CACNA1D: variants seen among roughly 807,000 people sequenced by gnomAD.
CACNA1D encodes the protein calcium voltage-gated channel subunit alpha1 D.
A neutral mutation model predicts 257.1 loss-of-function variants in CACNA1D; 55 were observed. The ratio of observed to expected loss-of-function variants is 0.21; its 90% CI spans 0.17 to 0.27. CACNA1D has a LOEUF of 0.27. Among genes scored for constraint, CACNA1D ranks in the 10% least tolerant of loss-of-function variants. CACNA1D has a pLI of 1.00. For synonymous variants in CACNA1D, 980 were observed against 1,014.9 expected, an observed-to-expected ratio of 0.97 and a Z score of 0.65; for missense variants, 1,876 against 2,784.0, an observed-to-expected ratio of 0.67 and a Z score of 7.34.
intron 9 of CACNA1D, among the ~76,000 whole-genome samples, chr3:53,706,823 T>C (rs1334264126): frequency 6.6e-6 from 1 of 152,118 alleles, no homozygotes; most frequent in East Asian, 1.9e-4. Context: ...CCACACCCTA[T>C]GTCCATGTGT....
intron 20 of CACNA1D, 133 bp from the exon 21 acceptor site, chr3:53,740,146 AC>A: frequency 1.3e-6 from 1 of 773,392 alleles, no homozygotes; most frequent in Non-Finnish European, 2.4e-6. Context: ...GTGGCTCTGC[AC>A]TTACCTTCAG....
At chr3:53,680,519 G>T (rs570961433) in intron 8 of CACNA1D, among the ~76,000 whole-genome samples, 2 of 152,290 alleles carry the variant, frequency 1.3e-5, no homozygotes, top group South Asian at 4.2e-4. Flanking sequence ...GTGCAGGTTA[G>T]AAGAGGGAGG....
intron 9 of CACNA1D, among the ~76,000 whole-genome samples, chr3:53,703,960 G>A (rs2094655678): frequency 6.6e-6 from 1 of 152,200 alleles, no homozygotes; most frequent in Non-Finnish European, 1.5e-5. Flanking sequence ...CCTGAAGGAT[G>A]GATGGATTGC....
chr3:53,632,833 G>A (rs2093836981), intron 3 of CACNA1D, among the ~76,000 whole-genome samples: 1 of 152,214 alleles, frequency 6.6e-6, no homozygotes, highest in Non-Finnish European at 1.5e-5. Flanking sequence ...TCTTCTATGG[G>A]CGCAGTTTGT....
chr3:53,716,399 G>A (rs1048535609), intron 9 of CACNA1D, among the ~76,000 whole-genome samples: 2 of 152,206 alleles, frequency 1.3e-5, no homozygotes, highest in African/African-American at 4.8e-5. Context: ...ATGTGAAAAG[G>A]GTCTCCCACT....
At chr3:53,588,203 C>T (rs938113617) in intron 3 of CACNA1D, among the ~76,000 whole-genome samples, 6 of 152,206 alleles carry the variant, frequency 3.9e-5, no homozygotes. Flanking sequence ...CTCCCTGAAG[C>T]CCTCAGAGGG....
At chr3:53,543,017 A>T (rs572560231) in intron 3 of CACNA1D, among the ~76,000 whole-genome samples, 1 of 150,512 alleles carries the variant, frequency 6.6e-6, no homozygotes, top group African/African-American at 2.5e-5. Flanking sequence ...GTGCCATTGC[A>T]CTCCAGCCTG....
At chr3:53,697,249 C>T (rs1295056806) in intron 8 of CACNA1D, among the ~76,000 whole-genome samples, 1 of 152,240 alleles carries the variant, frequency 6.6e-6, no homozygotes, top group Non-Finnish European at 1.5e-5. Context: ...TCATTTCATG[C>T]TTCTGGGCGA....
chr3:53,505,904 A>G (rs1449933902), intron 3 of CACNA1D, among the ~76,000 whole-genome samples: 1 of 152,216 alleles, frequency 6.6e-6, no homozygotes, highest in Admixed American at 6.5e-5. Context: ...GCTGCGGGAC[A>G]GTCTACTTTG....
intron 40 of CACNA1D, among the ~76,000 whole-genome samples, chr3:53,794,145 T>C (rs1486544954): frequency 6.6e-6 from 1 of 152,048 alleles, no homozygotes; most frequent in Non-Finnish European, 1.5e-5. Context: ...TGTTCAGGAG[T>C]CTTTGAGAAG....
intron 4 of CACNA1D, among the ~76,000 whole-genome samples, chr3:53,657,870 T>A (rs1199679779): frequency 6.6e-6 from 1 of 152,248 alleles, no homozygotes; most frequent in Non-Finnish European, 1.5e-5. Flanking sequence ...AAATGTTAAC[T>A]GTTAATGTGA....
Position 53,558,655 on chromosome 3 carries a change from CTCTTT to C in CACNA1D, c.483+56941_483+56945del, listed in dbSNP as rs1414535158. Among the ~76,000 whole-genome samples, 7 of 152,246 alleles carry C rather than the reference CTCTTT, an allele frequency of 4.6e-5. No individual in the cohort carries two copies. The East Asian group carries it at 1.2e-3, about 25-fold the overall frequency. On this transcript the variant is annotated intron_variant, in intron 3 of 47. Transcript: ENST00000350061. ...TAGGTAAAGGATTATAGATTGACAG[CTCTTT>C]TCTTTCAGCACTTTATCAGAATTGT...
rs905092622 is a variant in CACNA1D at position 53,666,568 on chromosome 3, T to C, written c.1116+33T>C. The C allele has an allele frequency of 8.3e-6, 13 of 1,575,104 alleles. No individual in the cohort carries two copies. In the Admixed American group the frequency reaches 1.3e-4, roughly 16 times the overall value. On this transcript the variant is annotated intron_variant, in intron 7 of 47. Coordinates refer to ENST00000350061, the MANE Select transcript of CACNA1D (RefSeq NM_001128840.3). Reference sequence around the variant, plus strand: ...CCCTGGGGAGAGAGTTTATGGAGTGTTCTTTGCTTGGATAAGTGGGTTTTG... The same window carrying C: ...CCCTGGGGAGAGAGTTTATGGAGTGCTCTTTGCTTGGATAAGTGGGTTTTG...
At chr3:53,721,807 TAA>T (rs58964113) in intron 11 of CACNA1D, among the ~76,000 whole-genome samples, 2 of 143,966 alleles carry the variant, frequency 1.4e-5, no homozygotes, top group Admixed American at 6.9e-5. Flanking sequence ...AGGTTCCCTT[TAA>T]AAAAAAAAAA....
chr3:53,603,731 C>T (rs953486902), intron 3 of CACNA1D, among the ~76,000 whole-genome samples: 1 of 152,174 alleles, frequency 6.6e-6, no homozygotes, highest in Non-Finnish European at 1.5e-5. Context: ...CTCCCCAGAA[C>T]AATGATGCCT....
intron 43 of CACNA1D, 135 bp from the exon 44 acceptor site, chr3:53,803,288 G>T (rs928156239): frequency 3.3e-6 from 3 of 898,784 alleles, no homozygotes; most frequent in Non-Finnish European, 5.5e-6. Flanking sequence ...ACAGTCCAGT[G>T]CTGCCTGAGG....
In CACNA1D at chr3:53,651,196, G is replaced by A. The variant is rs568352314; in HGVS notation, c.623+278G>A. Among the ~76,000 whole-genome samples, 15 of 152,112 alleles carry A rather than the reference G, an allele frequency of 9.9e-5. No individual in the cohort carries two copies. The South Asian group carries it at 2.1e-3, about 21-fold the overall frequency. ...TAATATGAGAGGCTTTACCTAACAC[G>A]GTCTTGGATCTCCAGAAATAGACCA... On this transcript the variant is annotated intron_variant, in intron 4 of 47. Coordinates refer to ENST00000350061, the MANE Select transcript of CACNA1D (RefSeq NM_001128840.3).
Position 53,665,827 on chromosome 3 carries a change from T to C in CACNA1D, c.919+15T>C, listed in dbSNP as rs2094255966. 6.2e-7 allele frequency: 1 copy of C among 1,608,104 alleles called. No individual in the cohort carries two copies. Among genetic ancestry groups the C allele is most frequent in the East Asian group, 2.2e-5 (1 of 44,768 alleles). ...TGCTGACTCAGGTGAGTAATGAGAA[T>C]TGTAGCTAACTTAACTTTAAAATTT... On this transcript the variant is annotated intron_variant, in intron 6 of 47. Transcript: ENST00000350061.
intron 21 of CACNA1D, among the ~76,000 whole-genome samples, chr3:53,741,243 A>G (rs1246265558): frequency 1.3e-5 from 2 of 152,246 alleles, no homozygotes; most frequent in African/African-American, 4.8e-5. Flanking sequence ...GTGGCCCATC[A>G]GAACTGTCAG....
Sources: allele counts gnomAD v4.1 joint callset (sites outside exome capture counted in the v4.1 genomes callset), GRCh38; gene constraint gnomAD v4.1.1; transcripts MANE v1.5; gene names NCBI Gene and HGNC (gene_info 2026-07-23, HGNC 2026-07-21).